AFG1L: variants seen among roughly 807,000 people sequenced by gnomAD.
The protein encoded by AFG1L is AFG1-like ATPase.
AFG1L carries 53 observed loss-of-function variants against 62.2 expected under a neutral mutation model. The ratio of observed to expected loss-of-function variants is 0.85; its 90% confidence interval spans 0.68 to 1.07. The LOEUF (loss-of-function observed/expected upper bound fraction) is 1.07, where lower values mean the gene tolerates loss of function less well. AFG1L is among the 50% of genes least tolerant of loss of function. The pLI is 0.00. For missense variants in AFG1L, 555 were observed against 590.5 expected, an observed-to-expected ratio of 0.94 and a Z score of 0.62; for synonymous variants, 228 against 210.3, an observed-to-expected ratio of 1.08 and a Z score of -0.73.
Position 108,356,504 on chromosome 6 carries a change from A to G in AFG1L, c.518-186A>G, listed in dbSNP as rs547012778. Among the ~76,000 whole-genome samples, 7 of 152,356 alleles carry G rather than the reference A, an allele frequency of 4.6e-5. No homozygotes were observed. In the South Asian group the frequency reaches 1.4e-3, roughly 32 times the overall value. ...TCCTTACAACTATAAGAACATAATA[A>G]TATTTGAACCAACTTATTTTGTAGA... On this transcript the variant is annotated intron_variant, in intron 4 of 12. Transcript: ENST00000368977.
At chr6:108,417,235 A>AACACACACAC (rs147614070) in intron 7 of AFG1L, among the ~76,000 whole-genome samples, 10 of 133,554 alleles carry the variant, frequency 7.5e-5, no homozygotes, top group Non-Finnish European at 1.1e-4. Context: ...CATTGTCTTA[A>AACACACACAC]ACACACACAC....
At chr6:108,511,944 C>T (rs1774667569) in intron 11 of AFG1L, among the ~76,000 whole-genome samples, 1 of 152,222 alleles carries the variant, frequency 6.6e-6, no homozygotes, top group South Asian at 2.1e-4. Context: ...GATGTAAAAT[C>T]ACCACTGTGG....
At chr6:108,370,513 G>T (rs1039552384) in intron 6 of AFG1L, among the ~76,000 whole-genome samples, 1 of 152,008 alleles carries the variant, frequency 6.6e-6, no homozygotes, top group Non-Finnish European at 1.5e-5. Context: ...GTAGGTAAAG[G>T]CCAGGAATAT....
chr6:108,508,558 TG>T (rs1774513434), intron 10 of AFG1L, among the ~76,000 whole-genome samples: 1 of 152,230 alleles, frequency 6.6e-6, no homozygotes, highest in Non-Finnish European at 1.5e-5. Flanking sequence ...TGGTGCTCTT[TG>T]TCTCTGGTTT....
chr6:108,300,095 C>T (rs1776922039), intron 1 of AFG1L, among the ~76,000 whole-genome samples: 1 of 151,350 alleles, frequency 6.6e-6, no homozygotes, highest in Non-Finnish European at 1.5e-5. Flanking sequence ...AATGATGATT[C>T]ATATTTAACT....
At chr6:108,296,635 T>C (rs1776777280) in intron 1 of AFG1L, among the ~76,000 whole-genome samples, 1 of 152,210 alleles carries the variant, frequency 6.6e-6, no homozygotes, top group Non-Finnish European at 1.5e-5. Flanking sequence ...TAATTGTTAA[T>C]TTCTTTTTAA....
intron 3 of AFG1L, among the ~76,000 whole-genome samples, chr6:108,351,193 A>G (rs1440038994): frequency 6.6e-6 from 1 of 152,208 alleles, no homozygotes; most frequent in Non-Finnish European, 1.5e-5. Flanking sequence ...ATACTACTTT[A>G]TACAAGATGT....
At chr6:108,330,006 T>C (rs1778206482) in intron 2 of AFG1L, among the ~76,000 whole-genome samples, 1 of 151,844 alleles carries the variant, frequency 6.6e-6, no homozygotes, top group South Asian at 2.1e-4. Context: ...GACCGGTGGC[T>C]TTATAAGGGG....
chr6:108,477,014 C>A, intron 9 of AFG1L, 79 bp downstream of exon 9: 1 of 1,300,614 alleles, frequency 7.7e-7, no homozygotes, highest in Non-Finnish European at 1.1e-6. Context: ...TAATAAGTTC[C>A]ATTGCTGTAT....
intron 10 of AFG1L, among the ~76,000 whole-genome samples, chr6:108,485,049 A>G (rs1380174775): frequency 1.3e-5 from 2 of 152,220 alleles, no homozygotes; most frequent in Admixed American, 6.5e-5. Flanking sequence ...ATGAAAAGGG[A>G]GTGAAGAAGG....
intron 5 of AFG1L, among the ~76,000 whole-genome samples, chr6:108,361,847 C>T (rs1296489816): frequency 1.3e-5 from 2 of 152,138 alleles, no homozygotes; most frequent in African/African-American, 4.8e-5. Flanking sequence ...CCCTTACCCA[C>T]CTTTTTTCCC....
At chr6:108,377,427 A>G (rs1780295749) in intron 6 of AFG1L, among the ~76,000 whole-genome samples, 1 of 152,136 alleles carries the variant, frequency 6.6e-6, no homozygotes, top group Non-Finnish European at 1.5e-5. Flanking sequence ...GATCTATTGT[A>G]AGGCTGCTCT....
intron 2 of AFG1L, among the ~76,000 whole-genome samples, chr6:108,331,056 G>T (rs886759530): frequency 6.6e-6 from 1 of 152,108 alleles, no homozygotes; most frequent in Non-Finnish European, 1.5e-5. Flanking sequence ...GAGAGGCTGA[G>T]ATGGGAGGAT....
chr6:108,316,012 A>T (rs1339693268), intron 1 of AFG1L, among the ~76,000 whole-genome samples: 1 of 152,074 alleles, frequency 6.6e-6, no homozygotes, highest in Admixed American at 6.5e-5. Context: ...ATGCCACTGC[A>T]CTCCAGCATA....
At chr6:108,494,053 C>G (rs571139377) in intron 10 of AFG1L, among the ~76,000 whole-genome samples, 1 of 152,226 alleles carries the variant, frequency 6.6e-6, no homozygotes, top group Non-Finnish European at 1.5e-5. Context: ...CAGTCTCGAG[C>G]TCAAGCAATC....
chr6:108,472,681 CTT>C (rs562169670), intron 8 of AFG1L, among the ~76,000 whole-genome samples: 13 of 137,986 alleles, frequency 9.4e-5, no homozygotes, highest in Admixed American at 2.2e-4. Flanking sequence ...ACCGAGCTAT[CTT>C]TTTTTTTTTT....
chr6:108,354,360 A>C (rs914842813), intron 3 of AFG1L, among the ~76,000 whole-genome samples: 2 of 151,566 alleles, frequency 1.3e-5, no homozygotes, highest in East Asian at 3.9e-4. Context: ...CCCAGGCTGG[A>C]GTGCAGTGGC....
At chr6:108,311,932 T>G (rs1383799864) in intron 1 of AFG1L, among the ~76,000 whole-genome samples, 1 of 152,116 alleles carries the variant, frequency 6.6e-6, no homozygotes, top group African/African-American at 2.4e-5. Flanking sequence ...TGGTACGATC[T>G]CTGCTCACTG....
intron 11 of AFG1L, among the ~76,000 whole-genome samples, chr6:108,517,410 C>T (rs1391294901): frequency 6.6e-6 from 1 of 152,156 alleles, no homozygotes; most frequent in Non-Finnish European, 1.5e-5. Flanking sequence ...GGAAAGGATT[C>T]CCTATTTAAT....
Sources: gnomAD v4.1 joint callset for allele counts (sites outside exome capture counted in the v4.1 genomes callset) on GRCh38, gnomAD v4.1.1 for gene constraint, MANE v1.5 for transcripts, NCBI Gene and HGNC (gene_info 2026-07-23, HGNC 2026-07-21) for gene names.